Variants in ATG14 observed in about 807,000 individuals in gnomAD.
The protein encoded by ATG14 is beclin 1-associated autophagy-related key regulator.
A neutral mutation model predicts 60.4 loss-of-function variants in ATG14; 35 were observed. The observed-to-expected ratio is 0.58, with a 90% confidence interval of 0.44 to 0.77. The LOEUF is 0.77. Among genes scored for constraint, ATG14 ranks in the 30% least tolerant of loss-of-function variants. The pLI is 0.00. For missense variants in ATG14, 647 were observed against 626.3 expected (o/e 1.03, Z -0.35); for synonymous variants, 234 against 228.8 (o/e 1.02, Z -0.21).
At chr14:55,401,031 C>T (rs1205829607) in intron 1 of ATG14, among the ~76,000 whole-genome samples, 1 of 152,070 alleles carries the variant, frequency 6.6e-6, no homozygotes, top group Non-Finnish European at 1.5e-5. Context: ...ACACTTTATA[C>T]AGTTTACAAC....
At chr14:55,390,245 A>G (rs901582453) in intron 4 of ATG14, among the ~76,000 whole-genome samples, 3 of 149,708 alleles carry the variant, frequency 2.0e-5, no homozygotes, top group African/African-American at 4.9e-5. Flanking sequence ...TAATTTTTGT[A>G]TTTTTAGTAG....
intron 1 of ATG14, among the ~76,000 whole-genome samples, chr14:55,408,651 G>C (rs1885525402): frequency 6.6e-6 from 1 of 152,182 alleles, no homozygotes; most frequent in Non-Finnish European, 1.5e-5. Flanking sequence ...CATGCCTGTA[G>C]TCCCACCTAC....
chr14:55,406,360 GGT>G (rs1320181747), intron 1 of ATG14, among the ~76,000 whole-genome samples: 3 of 152,180 alleles, frequency 2.0e-5, no homozygotes, highest in African/African-American at 7.2e-5. Flanking sequence ...TGTGCTGTAA[GGT>G]TCCAGATTTT....
At chr14:55,378,691 C>T (rs1410400939) in intron 7 of ATG14, among the ~76,000 whole-genome samples, 1 of 151,968 alleles carries the variant, frequency 6.6e-6, no homozygotes, top group East Asian at 1.9e-4. Context: ...TCACCACATT[C>T]CCTCTTACCT....
chr14:55,381,047 C>T (rs139802432), intron 6 of ATG14, among the ~76,000 whole-genome samples: 496 of 152,012 alleles, frequency 3.3e-3, no homozygotes, highest in African/African-American at 0.012. Flanking sequence ...GACAACCCTA[C>T]GGAAGAGTCA....
intron 1 of ATG14, among the ~76,000 whole-genome samples, chr14:55,411,193 T>C (rs1885565675): frequency 6.6e-6 from 1 of 152,240 alleles, no homozygotes; most frequent in Non-Finnish European, 1.5e-5. Context: ...GATTCTCTTC[T>C]ACTCTCTCCT....
chr14:55,408,315 C>T (rs1198834724), intron 1 of ATG14, among the ~76,000 whole-genome samples: 2 of 152,108 alleles, frequency 1.3e-5, no homozygotes, highest in African/African-American at 2.4e-5. Context: ...ACTAGTTAGG[C>T]GTGTTGATGT....
At chr14:55,370,737 T>G (rs1482407202) in intron 9 of ATG14, among the ~76,000 whole-genome samples, 1 of 151,238 alleles carries the variant, frequency 6.6e-6, no homozygotes, top group Non-Finnish European at 1.5e-5. Flanking sequence ...ACCGCCCAGG[T>G]GCAAGCGATT....
At chr14:55,377,711 G>A (rs1444139943) in intron 9 of ATG14, 108 bp downstream of exon 9, 6 of 706,050 alleles carry the variant, frequency 8.5e-6, no homozygotes, top group African/African-American at 1.8e-5. Context: ...ATTTTTGTCC[G>A]GTTTGAGGAG....
chr14:55,371,689 G>A (rs772605742), intron 9 of ATG14, among the ~76,000 whole-genome samples: 7 of 152,140 alleles, frequency 4.6e-5, no homozygotes, highest in East Asian at 1.9e-4. Flanking sequence ...CTGTAGTCCC[G>A]GCTACTCAGG....
intron 1 of ATG14, among the ~76,000 whole-genome samples, chr14:55,401,304 G>T (rs2065998): frequency 6.6e-6 from 1 of 151,614 alleles, no homozygotes; most frequent in Admixed American, 6.6e-5. Flanking sequence ...AGGGAAATTG[G>T]CCATTTTTAT....
In ATG14 at chr14:55,386,045, C is replaced by A. The variant is rs749914437; in HGVS notation, c.461G>T (p.Arg154Leu). The A allele has an allele frequency of 4.3e-6, 7 of 1,613,946 alleles. No individual in the cohort carries two copies. The highest frequency in any genetic ancestry group is 5.9e-6 in the Non-Finnish European group (7 of 1,179,980). ...CTTTTTCTCTTGGTGCCGTTGTGCT[C>A]GACTGTAAAGCTTCTGATTCTTTTC... ...TKEKNQKLYS[R>L]AQRHQEKKEK... is the part of the protein sequence containing the mutation. The change falls in exon 5 of 10, where the codon CGA becomes CTA. Residue 154 changes from arginine (R) to leucine (L), a missense_variant. Coordinates refer to ENST00000247178, the MANE Select transcript of ATG14 (RefSeq NM_014924.5).
intron 6 of ATG14, among the ~76,000 whole-genome samples, chr14:55,381,691 G>T (rs1451053527): frequency 6.6e-6 from 1 of 152,318 alleles, no homozygotes; most frequent in Admixed American, 6.5e-5. Flanking sequence ...AAGCTGCCCA[G>T]AACAGGCAAA....
At chr14:55,409,477 AAAGAT>A (rs1226765623) in intron 1 of ATG14, among the ~76,000 whole-genome samples, 2 of 152,228 alleles carry the variant, frequency 1.3e-5, no homozygotes, top group Non-Finnish European at 2.9e-5. Context: ...ATGGAAAAGA[AAAGAT>A]AATAAAGCTG....
intron 4 of ATG14, among the ~76,000 whole-genome samples, chr14:55,388,660 G>A (rs754953008): frequency 3.9e-5 from 6 of 152,134 alleles, no homozygotes; most frequent in Non-Finnish European, 8.8e-5. Flanking sequence ...TATAATTTGT[G>A]CCCTTTCATG....
intron 3 of ATG14, among the ~76,000 whole-genome samples, 174 bp downstream of exon 3, chr14:55,395,766 G>A (rs887780222): frequency 1.3e-5 from 2 of 152,104 alleles, no homozygotes; most frequent in South Asian, 2.1e-4. Flanking sequence ...ATTAATTGCC[G>A]ATACCCCATT....
intron 1 of ATG14, among the ~76,000 whole-genome samples, chr14:55,407,802 T>C (rs1320106330): frequency 6.6e-6 from 1 of 152,074 alleles, no homozygotes; most frequent in Non-Finnish European, 1.5e-5. Context: ...GGGGAAAAGA[T>C]GGAGGTGGGA....
intron 1 of ATG14, among the ~76,000 whole-genome samples, chr14:55,402,962 T>TAA (rs1566585779): frequency 3.3e-5 from 2 of 59,944 alleles, no homozygotes; most frequent in Non-Finnish European, 6.3e-5. Context: ...TATATATATA[T>TAA]ATATATAAAT....
chr14:55,393,482 G>A (rs1885259111), intron 3 of ATG14, among the ~76,000 whole-genome samples: 2 of 151,840 alleles, frequency 1.3e-5, no homozygotes, highest in Admixed American at 6.6e-5. Flanking sequence ...GTGACTGTTA[G>A]CCTGACTCCT....
Sources: gnomAD v4.1 joint callset for allele counts (sites outside exome capture counted in the v4.1 genomes callset) on GRCh38, gnomAD v4.1.1 for gene constraint, MANE v1.5 for transcripts, NCBI Gene and HGNC (gene_info 2026-07-23, HGNC 2026-07-21) for gene names.